Variants in RFT1 observed in about 807,000 individuals in gnomAD.
RFT1 encodes the protein man(5)GlcNAc(2)-PP-dolichol translocation protein RFT1.
A neutral mutation model predicts 62.2 loss-of-function variants in RFT1; 43 were observed. The ratio of observed to expected loss-of-function variants is 0.69; its 90% confidence interval spans 0.54 to 0.89. The LOEUF (loss-of-function observed/expected upper bound fraction) is 0.89, where lower values mean the gene tolerates loss of function less well. Ranked by LOEUF, RFT1 falls within the 40% of genes least tolerant of loss-of-function variation. RFT1 has a pLI of 0.00. For synonymous variants in RFT1, 262 were observed against 264.6 expected, an observed-to-expected ratio of 0.99 and a Z score of 0.10; for missense variants, 605 against 649.9, an observed-to-expected ratio of 0.93 and a Z score of 0.75.
chr3:53,094,730 A>G (rs1158552526), intron 11 of RFT1, among the ~76,000 whole-genome samples: 1 of 151,848 alleles, frequency 6.6e-6, no homozygotes. Context: ...TCATTCCCCA[A>G]CTCCGAGTAA....
At chr3:53,110,127 A>G (rs1018468676) in intron 7 of RFT1, among the ~76,000 whole-genome samples, 2 of 152,188 alleles carry the variant, frequency 1.3e-5, no homozygotes, top group Non-Finnish European at 2.9e-5. Flanking sequence ...CAATCCAGAA[A>G]ACCAATTTAG....
chr3:53,101,963 G>C (rs1701328199), intron 10 of RFT1, among the ~76,000 whole-genome samples: 1 of 149,504 alleles, frequency 6.7e-6, no homozygotes, highest in East Asian at 2.0e-4. Flanking sequence ...CTTGAACCCG[G>C]GAGGTGGAGG....
chr3:53,067,568 T>C, the RFT1 span, among the ~76,000 whole-genome samples: 1 of 152,154 alleles, frequency 6.6e-6, no homozygotes, highest in Non-Finnish European at 1.5e-5. Context: ...GGGTCACGGT[T>C]ACACAGGTGT....
rs551508426 is a variant in RFT1 at position 53,129,359 on chromosome 3, C to T, written c.63+979G>A. The stretch of plus-strand genomic sequence containing the variant: ...GACCCTGTGAGGTTGCACTATGATT[C>T]TCATTTAAGATGAAGAAACTGATAC... On this transcript the variant is annotated intron_variant, in intron 1 of 12. Coordinates refer to ENST00000296292, the MANE Select transcript of RFT1 (RefSeq NM_052859.4). 1.3e-4 allele frequency among the ~76,000 whole-genome samples: 20 copies of T among 152,292 alleles called. No individual in the cohort carries two copies. The South Asian group carries it at 4.1e-3, about 32-fold the overall frequency.
downstream of RFT1, among the ~76,000 whole-genome samples, chr3:53,087,399 G>A (rs1026331259): frequency 1.3e-4 from 19 of 151,930 alleles, no homozygotes; most frequent in Non-Finnish European, 2.5e-4. Flanking sequence ...AGGCCACACA[G>A]CAACACTCAC....
At chr3:53,129,222 T>C (rs183743172) in intron 1 of RFT1, among the ~76,000 whole-genome samples, 1 of 152,368 alleles carries the variant, frequency 6.6e-6, no homozygotes, top group African/African-American at 2.4e-5. Context: ...ATTTCATTCC[T>C]ACATTGACTA....
At chr3:53,104,762 A>C (rs1244793450) in intron 9 of RFT1, among the ~76,000 whole-genome samples, 3 of 152,250 alleles carry the variant, frequency 2.0e-5, no homozygotes, top group Admixed American at 6.5e-5. Flanking sequence ...TATTCTAAGA[A>C]AAGTCAGACA....
intron 1 of RFT1, among the ~76,000 whole-genome samples, chr3:53,127,865 G>T (rs1034101707): frequency 6.6e-6 from 1 of 152,138 alleles, no homozygotes; most frequent in Non-Finnish European, 1.5e-5. Flanking sequence ...AGCATAGGTG[G>T]CTTAGAATTA....
downstream of RFT1, among the ~76,000 whole-genome samples, chr3:53,087,526 A>ATT (rs138507991): frequency 6.8e-6 from 1 of 147,522 alleles, no homozygotes. Flanking sequence ...TCAGGAAATA[A>ATT]TTTTTTTTTT....
the RFT1 span, among the ~76,000 whole-genome samples, chr3:53,080,121 G>C: frequency 6.6e-6 from 1 of 152,198 alleles, no homozygotes; most frequent in Non-Finnish European, 1.5e-5. Flanking sequence ...CTGACGCCAG[G>C]GCCCCATTTT....
the RFT1 span, among the ~76,000 whole-genome samples, chr3:53,074,030 C>T: frequency 4.9e-4 from 75 of 152,140 alleles, 1 homozygote; most frequent in African/African-American, 1.8e-3. Context: ...TGAGGCAGGC[C>T]CTGCGAGGGC....
chr3:53,082,754 T>C, the RFT1 span, among the ~76,000 whole-genome samples: 25 of 151,380 alleles, frequency 1.7e-4, no homozygotes, highest in Non-Finnish European at 4.4e-5. Context: ...ACTGCTGGAG[T>C]GGGGAGACTT....
intron 8 of RFT1, 91 bp from the exon 9 acceptor site, chr3:53,105,894 A>C: frequency 8.3e-7 from 1 of 1,209,192 alleles, no homozygotes; most frequent in Non-Finnish European, 1.2e-6. Context: ...ATTTTCATTA[A>C]AGTTTGTTTA....
intron 11 of RFT1, among the ~76,000 whole-genome samples, chr3:53,098,066 G>A (rs1701193818): frequency 6.6e-6 from 1 of 152,174 alleles, no homozygotes; most frequent in Non-Finnish European, 1.5e-5. Flanking sequence ...CATAACTGGG[G>A]TACTTCCTGC....
At chr3:53,069,358 A>G in the RFT1 span, among the ~76,000 whole-genome samples, 2 of 152,180 alleles carry the variant, frequency 1.3e-5, no homozygotes, top group African/African-American at 2.4e-5. Context: ...TTTTCATTTT[A>G]CAGTATTTTT....
At chr3:53,102,712 G>A (rs1320524774) in intron 10 of RFT1, among the ~76,000 whole-genome samples, 1 of 152,198 alleles carries the variant, frequency 6.6e-6, no homozygotes, top group Admixed American at 6.5e-5. Flanking sequence ...TCTGGAGATG[G>A]CCAGTACAGC....
chr3:53,098,801 C>CAA (rs35371104), intron 11 of RFT1, among the ~76,000 whole-genome samples: 39,374 of 57,664 alleles, frequency 0.68, 16,526 homozygotes, highest in East Asian at 0.84. Flanking sequence ...GACTCCATCT[C>CAA]AAAAAAAAAA....
At chr3:53,084,866 T>C (rs1218299852), downstream of RFT1, among the ~76,000 whole-genome samples, 1 of 152,356 alleles carries the variant, frequency 6.6e-6, no homozygotes, top group South Asian at 2.1e-4. Flanking sequence ...TCAGCTGTTA[T>C]GTCACGGGTC....
chr3:53,103,048 C>T, intron 10 of RFT1: 2 of 943,242 alleles, frequency 2.1e-6, no homozygotes, highest in East Asian at 2.3e-4. Context: ...CAGGGAGCTG[C>T]AAACCACTTC....
Sources: allele counts gnomAD v4.1 joint callset (sites outside exome capture counted in the v4.1 genomes callset), GRCh38; gene constraint gnomAD v4.1.1; transcripts MANE v1.5; gene names NCBI Gene and HGNC (gene_info 2026-07-23, HGNC 2026-07-21).